DTX3L: variants seen among roughly 807,000 people sequenced by gnomAD.
DTX3L encodes deltex E3 ubiquitin ligase 3L.
In DTX3L, 34 loss-of-function variants were observed where a neutral mutation model predicts 60.9. The observed-to-expected ratio is 0.56, with a 90% confidence interval of 0.42 to 0.74. The LOEUF is 0.74. Among genes scored for constraint, DTX3L ranks in the 30% least tolerant of loss-of-function variants. The pLI is 0.00. For synonymous variants in DTX3L, 290 were observed against 316.6 expected (o/e 0.92, Z 0.89); for missense variants, 810 against 874.0 (o/e 0.93, Z 0.92).
intron 1 of DTX3L, 148 bp from the exon 2 acceptor site, chr3:122,565,711 T>C (rs1439697290): frequency 7.1e-6 from 5 of 705,096 alleles, no homozygotes; most frequent in East Asian, 2.7e-5. Flanking sequence ...CCCGACTTTC[T>C]CCATCGCCAA....
At chr3:122,568,407 C>A in intron 2 of DTX3L, 82 bp from the exon 3 acceptor site, 1 of 1,105,830 alleles carries the variant, frequency 9.0e-7, no homozygotes, top group Non-Finnish European at 1.2e-6. Context: ...TTTCTCTAGT[C>A]TCTATGCATT....
Position 122,568,655 on chromosome 3 carries a change from G to A in DTX3L, c.566G>A (p.Ser189Asn). The A allele has an allele frequency of 6.2e-7, 1 of 1,614,180 alleles. No individual in the cohort carries two copies. Residue 189 changes from serine to asparagine, a missense_variant, in exon 3 of 5, where the codon AGT becomes AAT. Transcript: ENST00000296161. Reference sequence around the variant, plus strand: ...ATTGAAAGAATACATCAATTTTTGAGTGAGCAGTTCCTGGAAAGTGAGCAG... The same window carrying A: ...ATTGAAAGAATACATCAATTTTTGAATGAGCAGTTCCTGGAAAGTGAGCAG... ...QDIERIHQFL[S>N]EQFLESEQKQ...
chr3:122,564,642 G>A, intron 1 of DTX3L, 29 bp downstream of exon 1: 2 of 1,568,866 alleles, frequency 1.3e-6, no homozygotes, highest in Non-Finnish European at 1.7e-6. Flanking sequence ...GGCTGCGAAA[G>A]CCCTCTGGGG....
At chr3:122,570,726 A>G in intron 4 of DTX3L, 54 bp downstream of exon 4, 11 of 1,581,322 alleles carry the variant, frequency 7.0e-6, no homozygotes, top group Non-Finnish European at 7.8e-6. Context: ...GGATTATGAA[A>G]TACGGCAATT....
intron 2 of DTX3L, among the ~76,000 whole-genome samples, chr3:122,567,690 A>C (rs768180788): frequency 1.3e-5 from 2 of 152,132 alleles, no homozygotes; most frequent in Non-Finnish European, 2.9e-5. Context: ...GTAATAGGAA[A>C]AGCCATTGCC....
Position 122,564,631 on chromosome 3 carries a change from A to G in DTX3L, c.187+18A>G. On this transcript the variant is annotated intron_variant, in intron 1 of 4. Coordinates refer to ENST00000296161, the MANE Select transcript of DTX3L (RefSeq NM_138287.3). ...AAGGGCAGGTGAGCTTCGGGCGGCC[A>G]GGCTGCGAAAGCCCTCTGGGGGCCC... The G allele has an allele frequency of 1.3e-6, 2 of 1,579,040 alleles. No individual in the cohort carries two copies. The highest frequency in any genetic ancestry group is 1.7e-6 in the Non-Finnish European group (2 of 1,165,140).
intron 2 of DTX3L, among the ~76,000 whole-genome samples, chr3:122,566,844 C>T (rs1211574000): frequency 6.6e-6 from 1 of 152,098 alleles, no homozygotes; most frequent in Non-Finnish European, 1.5e-5. Flanking sequence ...CCAGGGACGG[C>T]ACCTTCTAGA....
Position 122,568,636 on chromosome 3 carries a change from A to C in DTX3L, c.547A>C (p.Arg183=), listed in dbSNP as rs202114276. 2.0e-4 allele frequency: 329 copies of C among 1,614,094 alleles called. No individual in the cohort carries two copies. Among genetic ancestry groups the C allele is most frequent in the Non-Finnish European group, 4.5e-5 (53 of 1,180,050 alleles). Residue 183 remains arginine, a synonymous_variant, in exon 3 of 5, where the codon AGA becomes CGA. Transcript: ENST00000296161. ...GTGTGGTGACTTCCAAGACATTGAAAGAATACATCAATTTTTGAGTGAGCA... is the reference window on the plus strand; with the variant it reads ...GTGTGGTGACTTCCAAGACATTGAACGAATACATCAATTTTTGAGTGAGCA... ...KVCGDFQDIE[R]IHQFLSEQFL... is the part of the protein sequence containing the mutation.
In DTX3L at chr3:122,569,609, T is replaced by C. The variant is rs758032061; in HGVS notation, c.1520T>C (p.Leu507Pro). 4 of 1,614,200 alleles carry C rather than the reference T, an allele frequency of 2.5e-6. No homozygotes were observed. The East Asian group carries it at 8.9e-5, about 36-fold the overall frequency. ...CTTGCAAAGGCGAAGCAGTATGTTC[T>C]AAAAGGAGGAGGAATGTCTTCATTG... ...NHLAKAKQYVLKGGGMSSLAG... is the reference protein window; with the variant it reads ...NHLAKAKQYVPKGGGMSSLAG... Residue 507 changes from leucine to proline, a missense_variant, in exon 3 of 5, where the codon CTA (leucine) becomes CCA (proline). By Grantham distance (98) the Leu-to-Pro change is moderately conservative (BLOSUM62 -3). Coordinates refer to ENST00000296161, the MANE Select transcript of DTX3L (RefSeq NM_138287.3).
rs1053505841 is a variant in DTX3L at position 122,573,499 on chromosome 3, C to A, written c.*1752C>A. 6.6e-6 allele frequency: 1 copy of A among 152,166 alleles called. No individual in the cohort carries two copies. The highest frequency in any genetic ancestry group is 1.5e-5 in the Non-Finnish European group (1 of 68,040). 9.4% of individuals were successfully genotyped at this position (152,166 alleles called of 1,614,324 possible). A position where few individuals can be genotyped will look rare whatever the true frequency, so the allele number is the denominator to read the frequency against. Reference sequence around the variant, plus strand: ...TGCTTTTTCCCTTAAGAGACAAGTCCTTACTATATTGCCCTGTCTCTCAAG... The same window carrying A: ...TGCTTTTTCCCTTAAGAGACAAGTCATTACTATATTGCCCTGTCTCTCAAG... On this transcript the variant is annotated 3_prime_UTR_variant, in exon 5 of 5. Coordinates refer to ENST00000296161, the MANE Select transcript of DTX3L (RefSeq NM_138287.3).
intron 2 of DTX3L, among the ~76,000 whole-genome samples, chr3:122,567,758 G>T (rs893926092): frequency 6.6e-5 from 10 of 152,298 alleles, no homozygotes; most frequent in African/African-American, 2.2e-4. Context: ...ACAACAACTT[G>T]CCCAGAGAGC....
Position 122,572,787 on chromosome 3 carries a change from C to G in DTX3L, c.*1040C>G, listed in dbSNP as rs888088520. 3 of 152,160 alleles carry G rather than the reference C, an allele frequency of 2.0e-5. No homozygotes were observed. The highest frequency in any genetic ancestry group is 4.4e-5 in the Non-Finnish European group (3 of 68,072). 9.4% of individuals were successfully genotyped at this position (152,160 alleles called of 1,614,324 possible). A position where few individuals can be genotyped will look rare whatever the true frequency, so the allele number is the denominator to read the frequency against. On this transcript the variant is annotated 3_prime_UTR_variant, in exon 5 of 5. Transcript: ENST00000296161. Reference sequence around the variant, plus strand: ...AGAGACGGGGTTTTGCCATGTTGGCCAGGCTGGTTTCAAACTCCTGAGCTC... The same window carrying G: ...AGAGACGGGGTTTTGCCATGTTGGCGAGGCTGGTTTCAAACTCCTGAGCTC...
Position 122,569,427 on chromosome 3 carries a change from T to C in DTX3L, c.1338T>C (p.Cys446=). Reference sequence around the variant, plus strand: ...TCGATGCCTTTCAACATGCCTCATGTCAGTTGATGAGAGAAGTTCTTTTAC... The same window carrying C: ...TCGATGCCTTTCAACATGCCTCATGCCAGTTGATGAGAGAAGTTCTTTTAC... ...SFIDAFQHAS[C]QLMREVLLLK... is the part of the protein sequence containing the mutation. Residue 446 remains cysteine (C), a synonymous_variant, in exon 3 of 5, where the codon TGT becomes TGC. Transcript: ENST00000296161. The C allele has an allele frequency of 6.2e-7, 1 of 1,614,196 alleles. No individual in the cohort carries two copies.
intron 4 of DTX3L, among the ~76,000 whole-genome samples, chr3:122,571,008 C>G (rs1043468022): frequency 6.6e-6 from 1 of 152,044 alleles, no homozygotes; most frequent in South Asian, 2.1e-4. Flanking sequence ...CTTTTAAGGT[C>G]ACCTTTCTTT....
At chr3:122,567,866 T>G (rs998844855) in intron 2 of DTX3L, among the ~76,000 whole-genome samples, 4 of 152,212 alleles carry the variant, frequency 2.6e-5, no homozygotes, top group African/African-American at 9.6e-5. Context: ...GAAATGCTCA[T>G]GCCCAGGCTC....
chr3:122,566,383 C>G (rs186630130), intron 2 of DTX3L, among the ~76,000 whole-genome samples: 7 of 152,224 alleles, frequency 4.6e-5, no homozygotes, highest in African/African-American at 1.7e-4. Context: ...TTTTTTCCCC[C>G]CAAGACAGAG....
Position 122,569,378 on chromosome 3 carries a change from C to A in DTX3L, c.1289C>A (p.Ser430Tyr), listed in dbSNP as rs1230413324. The change falls in exon 3 of 5, where the codon TCT becomes TAT. Residue 430 changes from serine to tyrosine, a missense_variant. Ser to Tyr is a moderately radical substitution (Grantham distance 144). Transcript: ENST00000296161. The part of the protein sequence containing the change: ...FESKDRQVDL[S>Y]VHAYASFIDA... ...TCCAAGGACAGGCAGGTAGATCTAT[C>A]TGTGCATGCTTATGCAAGTTTCATC... The A allele has an allele frequency of 1.2e-6, 2 of 1,614,018 alleles. No homozygotes were observed. The highest frequency in any genetic ancestry group is 8.5e-7 in the Non-Finnish European group (1 of 1,180,036).
intron 4 of DTX3L, among the ~76,000 whole-genome samples, chr3:122,571,309 T>A (rs2080644268): frequency 6.6e-6 from 1 of 152,186 alleles, no homozygotes; most frequent in Admixed American, 6.5e-5. Context: ...CTACTTACCA[T>A]AAACTGAAAA....
chr3:122,567,529 C>G (rs899975019), intron 2 of DTX3L, among the ~76,000 whole-genome samples: 3 of 152,124 alleles, frequency 2.0e-5, no homozygotes, highest in African/African-American at 4.8e-5. Context: ...ATATTACAGT[C>G]AATTGGTCTC....
Sources: gnomAD v4.1 joint callset for allele counts (sites outside exome capture counted in the v4.1 genomes callset) on GRCh38, gnomAD v4.1.1 for gene constraint, MANE v1.5 for transcripts, NCBI Gene and HGNC (gene_info 2026-07-23, HGNC 2026-07-21) for gene names.